Variants in RIMS2 observed in about 807,000 individuals in gnomAD.
RIMS2 encodes the protein regulating synaptic membrane exocytosis protein 2.
In RIMS2, 59 loss-of-function variants were observed where a neutral mutation model predicts 174.4. That is an observed-to-expected ratio of 0.34 (90% CI 0.27 to 0.42). RIMS2 has a LOEUF of 0.42. Among genes scored for constraint, RIMS2 ranks in the 10% least tolerant of loss-of-function variants. The pLI, the probability that RIMS2 is intolerant of heterozygous loss-of-function variation, is 1.00. For missense variants in RIMS2, 1,620 were observed against 1,666.3 expected, an observed-to-expected ratio of 0.97 and a Z score of 0.48; for synonymous variants, 606 against 572.5, an observed-to-expected ratio of 1.06 and a Z score of -0.84.
chr8:104,244,975 G>C, exon 20 of RIMS2: 1 of 1,613,724 alleles, frequency 6.2e-7, no homozygotes, highest in South Asian at 1.1e-5. Context: ...AGGCCTGGCC[G>C]TGGAAATGAG....
intron 10 of RIMS2, among the ~76,000 whole-genome samples, chr8:103,923,643 T>C (rs917710179): frequency 6.6e-6 from 1 of 151,870 alleles, no homozygotes; most frequent in Non-Finnish European, 1.5e-5. Context: ...TATTTTCTCC[T>C]TTTCTTATGA....
At chr8:103,599,418 A>C (rs1588631639) in intron 1 of RIMS2, among the ~76,000 whole-genome samples, 1 of 147,710 alleles carries the variant, frequency 6.8e-6, no homozygotes, top group African/African-American at 2.5e-5. Context: ...TTTAATATAT[A>C]AATAAATATA....
chr8:103,531,427 G>A (rs1263285491), intron 1 of RIMS2, among the ~76,000 whole-genome samples: 1 of 152,130 alleles, frequency 6.6e-6, no homozygotes, highest in Admixed American at 6.5e-5. Flanking sequence ...GAAATCACAA[G>A]GAAAATTAAA....
chr8:103,995,969 T>A (rs1340225130), intron 17 of RIMS2, among the ~76,000 whole-genome samples: 1 of 152,012 alleles, frequency 6.6e-6, no homozygotes, highest in African/African-American at 2.4e-5. Context: ...ATTTTGAGAC[T>A]GTAAAACTTG....
rs2076473489 is a variant in RIMS2 at position 103,915,442 on chromosome 8, AC to A, written c.1813-51del. On this transcript the variant is annotated intron_variant, in intron 6 of 23. Coordinates refer to ENST00000504942, the Ensembl canonical transcript of RIMS2. ...AGGTATTCTTTTACCTGAATCTTCA[AC>A]CATGCTCATTTTAACAATATTCCCA... 27 of 1,083,120 alleles carry A rather than the reference AC, an allele frequency of 2.5e-5. No individual in the cohort carries two copies. The South Asian group carries it at 3.8e-4, about 15-fold the overall frequency. 67.1% of individuals were successfully genotyped at this position (1,083,120 alleles called of 1,614,324 possible).
chr8:103,983,961 CA>C (rs1347519466), intron 16 of RIMS2, among the ~76,000 whole-genome samples: 2 of 152,016 alleles, frequency 1.3e-5, no homozygotes, highest in African/African-American at 4.8e-5. Flanking sequence ...ATCACGAGGT[CA>C]GGAGATCGAG....
intron 3 of RIMS2, among the ~76,000 whole-genome samples, chr8:103,800,057 G>A (rs2098595604): frequency 6.6e-6 from 1 of 152,086 alleles, no homozygotes; most frequent in African/African-American, 2.4e-5. Context: ...CCCATATGGT[G>A]AGCCACTGTT....
intron 1 of RIMS2, among the ~76,000 whole-genome samples, chr8:103,617,576 T>C (rs2095535094): frequency 6.6e-6 from 1 of 152,164 alleles, no homozygotes; most frequent in Admixed American, 6.5e-5. Context: ...ACAGACAGCC[T>C]ATAGAATGGG....
intron 1 of RIMS2, among the ~76,000 whole-genome samples, chr8:103,641,069 G>A (rs1343223375): frequency 2.0e-5 from 3 of 152,024 alleles, no homozygotes; most frequent in African/African-American, 7.2e-5. Flanking sequence ...TGTTTTCTTG[G>A]AGGAATTCAT....
intron 1 of RIMS2, among the ~76,000 whole-genome samples, chr8:103,648,494 C>T (rs952843928): frequency 1.3e-5 from 2 of 152,006 alleles, no homozygotes; most frequent in African/African-American, 4.8e-5. Context: ...CCTGAATATC[C>T]TTGGTAGTTT....
intron 19 of RIMS2, among the ~76,000 whole-genome samples, chr8:104,180,348 T>C (rs1481831088): frequency 1.3e-5 from 2 of 151,092 alleles, no homozygotes; most frequent in Non-Finnish European, 1.5e-5. Flanking sequence ...TAGTGTAGTA[T>C]TTTCTTAGTG....
intron 11 of RIMS2, chr8:103,927,920 A>C (rs1258896291): frequency 6.3e-7 from 1 of 1,588,748 alleles, no homozygotes; most frequent in African/African-American, 1.3e-5. Flanking sequence ...ATAGAAACTA[A>C]AGTTGTGTTT....
intron 3 of RIMS2, among the ~76,000 whole-genome samples, chr8:103,822,293 G>A (rs1229377825): frequency 2.6e-5 from 4 of 151,714 alleles, no homozygotes; most frequent in African/African-American, 9.7e-5. Context: ...AGATGGTGAG[G>A]CAGTTGACTT....
intron 1 of RIMS2, among the ~76,000 whole-genome samples, chr8:103,504,846 C>CTTTTTTTTTTTTTTTTT (rs11367763): frequency 4.2e-5 from 4 of 95,056 alleles, no homozygotes; most frequent in Non-Finnish European, 7.9e-5. Context: ...TTCTTTCTTT[C>CTTTTTTTTTTTTTTTTT]TTTTTTTTTT....
chr8:103,722,588 T>C (rs934686681), intron 2 of RIMS2, among the ~76,000 whole-genome samples: 1 of 152,176 alleles, frequency 6.6e-6, no homozygotes, highest in Non-Finnish European at 1.5e-5. Context: ...AGAGCTCAGA[T>C]GGTAATGCAA....
intron 1 of RIMS2, among the ~76,000 whole-genome samples, chr8:103,612,736 G>T (rs1208495545): frequency 6.6e-6 from 1 of 152,054 alleles, no homozygotes; most frequent in African/African-American, 2.4e-5. Flanking sequence ...GTGCCACCAT[G>T]CCTGGCTGAT....
intron 3 of RIMS2, among the ~76,000 whole-genome samples, chr8:103,884,339 A>G (rs2099187326): frequency 6.6e-6 from 1 of 151,880 alleles, no homozygotes; most frequent in Admixed American, 6.6e-5. Flanking sequence ...AAATCCCCAT[A>G]ATAGTTTTCT....
intron 3 of RIMS2, among the ~76,000 whole-genome samples, chr8:103,819,852 A>G (rs369953080): frequency 6.6e-6 from 1 of 152,148 alleles, no homozygotes; most frequent in African/African-American, 2.4e-5. Context: ...TTGACCTCTG[A>G]AACGTAATAC....
intron 19 of RIMS2, among the ~76,000 whole-genome samples, chr8:104,065,265 G>A (rs1382502966): frequency 1.3e-5 from 2 of 151,938 alleles, no homozygotes; most frequent in Non-Finnish European, 2.9e-5. Flanking sequence ...TTTATAGAGT[G>A]TATATAGGAT....
Sources: gnomAD v4.1 joint callset for allele counts (sites outside exome capture counted in the v4.1 genomes callset) on GRCh38, gnomAD v4.1.1 for gene constraint, MANE v1.5 for transcripts, NCBI Gene and HGNC (gene_info 2026-07-23, HGNC 2026-07-21) for gene names.